BRCC3: variants seen among roughly 807,000 people sequenced by gnomAD.
BRCC3 encodes the protein lys-63-specific deubiquitinase BRCC36.
Under a neutral mutation model 28.0 loss-of-function variants are expected in BRCC3, and 15 were observed. The ratio of observed to expected loss-of-function variants is 0.54; its 90% CI spans 0.36 to 0.82. BRCC3 has a LOEUF of 0.82. Among genes scored for constraint, BRCC3 ranks in the 40% least tolerant of loss-of-function variants. The pLI is 0.01. For missense variants in BRCC3, 109 were observed against 225.9 expected (o/e 0.48, Z 3.32); for synonymous variants, 66 against 80.3 (o/e 0.82, Z 0.95).
intron 3 of BRCC3, among the ~76,000 whole-genome samples, 164 bp from the exon 4 acceptor site, chrX:155,077,006 T>C (rs1360573320): frequency 8.9e-6 from 1 of 112,289 alleles, no homozygotes; most frequent in Non-Finnish European, 1.9e-5. Flanking sequence ...ATATTGAGGT[T>C]GGGTGTCTTT....
chrX:155,081,711 A>G (rs781888943), intron 5 of BRCC3, among the ~76,000 whole-genome samples: 79 of 112,029 alleles, frequency 7.1e-4, no homozygotes, highest in Non-Finnish European at 1.3e-3. Flanking sequence ...TGACGTGACC[A>G]TTTCAGTGCT....
chrX:155,116,968 G>T (rs1165989961), intron 9 of BRCC3, among the ~76,000 whole-genome samples: 2 of 111,922 alleles, frequency 1.8e-5, no homozygotes, highest in Non-Finnish European at 3.8e-5. Flanking sequence ...AGTAAGACAG[G>T]AGGAAAGACA....
At chrX:155,086,604 C>G (rs1364487498) in intron 5 of BRCC3, among the ~76,000 whole-genome samples, 2 of 111,175 alleles carry the variant, frequency 1.8e-5, no homozygotes, top group Non-Finnish European at 3.8e-5. Context: ...GGTGGTCTGC[C>G]CGCCTTGGCC....
At chrX:155,117,990 C>T (rs781892006) in intron 9 of BRCC3, among the ~76,000 whole-genome samples, 114 of 112,154 alleles carry the variant, frequency 1.0e-3, no homozygotes, top group Middle Eastern at 4.6e-3. Flanking sequence ...TATATTTAAA[C>T]TTTTACTATT....
intron 4 of BRCC3, among the ~76,000 whole-genome samples, chrX:155,077,647 C>G (rs138974831): frequency 9.0e-6 from 1 of 111,523 alleles, no homozygotes; most frequent in East Asian, 2.8e-4. Context: ...CTATCTTGGT[C>G]TCTATCCTCT....
intron 7 of BRCC3, among the ~76,000 whole-genome samples, chrX:155,097,492 A>T (rs1390935870): frequency 8.9e-6 from 1 of 111,935 alleles, no homozygotes; most frequent in Non-Finnish European, 1.9e-5. Flanking sequence ...AGAAAACAGT[A>T]TAGAGACTCC....
At chrX:155,084,351 T>C (rs2074104886) in intron 5 of BRCC3, among the ~76,000 whole-genome samples, 1 of 111,737 alleles carries the variant, frequency 8.9e-6, no homozygotes, top group South Asian at 3.7e-4. Flanking sequence ...CGGTGAGTTC[T>C]AATATCTTTG....
rs782193346 is a variant in BRCC3 at position 155,120,125 on chromosome X, T to C, written c.851T>C (p.Met284Thr). 1.7e-6 allele frequency: 2 copies of C among 1,208,556 alleles called. No homozygotes were observed. Among genetic ancestry groups the C allele is most frequent in the Admixed American group, 4.4e-5 (2 of 45,460 alleles). ...TTACAACAAGAAAAGGAAGAGCTTA[T>C]GCAAGAACTTTCTTCTCTAGAATAA... ...QELQQEKEELMQELSSLE is the reference protein window; with the variant it reads ...QELQQEKEELTQELSSLE The change falls in exon 10 of 11, where the codon ATG becomes ACG. Residue 284 changes from methionine to threonine, a missense_variant. Physicochemically the swap from Met to Thr is moderately conservative, Grantham distance 81. This residue lies in a region of BRCC3 where 50 missense variants were observed against 115.2 expected (regional missense o/e 0.43). Coordinates refer to ENST00000330045, the MANE Select transcript of BRCC3 (RefSeq NM_001018055.3).
At chrX:155,095,256 G>A (rs2074202079) in intron 7 of BRCC3, among the ~76,000 whole-genome samples, 2 of 111,830 alleles carry the variant, frequency 1.8e-5, no homozygotes, top group African/African-American at 6.5e-5. Flanking sequence ...AAGTAAAAGA[G>A]TTACGGTTAA....
intron 7 of BRCC3, among the ~76,000 whole-genome samples, chrX:155,110,835 G>A (rs1426595998): frequency 9.0e-6 from 1 of 111,026 alleles, no homozygotes; most frequent in Admixed American, 9.6e-5. Flanking sequence ...AGAATGCCAA[G>A]CCTAGCTATT....
intron 9 of BRCC3, among the ~76,000 whole-genome samples, chrX:155,118,198 A>G (rs781802064): frequency 1.8e-5 from 2 of 112,349 alleles, no homozygotes; most frequent in Non-Finnish European, 3.8e-5. Flanking sequence ...GTGAATGGAT[A>G]AACTCTGATA....
At chrX:155,090,926 A>G in intron 7 of BRCC3, 87 bp downstream of exon 7, 1 of 685,779 alleles carries the variant, frequency 1.5e-6, no homozygotes, top group South Asian at 2.4e-5. Context: ...TATTCCTTTC[A>G]CTGGTAAGAC....
At chrX:155,101,368 C>T (rs1255269881) in intron 7 of BRCC3, among the ~76,000 whole-genome samples, 1 of 111,655 alleles carries the variant, frequency 9.0e-6, no homozygotes, top group African/African-American at 3.3e-5. Flanking sequence ...CCAACAGCTA[C>T]GAAGGGATGA....
intron 7 of BRCC3, among the ~76,000 whole-genome samples, chrX:155,093,228 T>C (rs1349556910): frequency 9.0e-6 from 1 of 111,360 alleles, no homozygotes; most frequent in African/African-American, 3.3e-5. Context: ...TTTTTGTTTG[T>C]TTGTTTTGTA....
At chrX:155,100,344 A>G (rs1018190386) in intron 7 of BRCC3, among the ~76,000 whole-genome samples, 32 of 111,971 alleles carry the variant, frequency 2.9e-4, no homozygotes, top group Non-Finnish European at 5.6e-4. Context: ...GTCATCACCA[A>G]TTTTTCTAAT....
intron 8 of BRCC3, 59 bp downstream of exon 8, chrX:155,116,247 T>G (rs2074354939): frequency 4.7e-6 from 5 of 1,069,325 alleles, no homozygotes; most frequent in Non-Finnish European, 6.2e-6. Context: ...TCTTTTCTTC[T>G]TCTGTCCTTT....
intron 3 of BRCC3, among the ~76,000 whole-genome samples, chrX:155,076,266 G>A (rs1018660048): frequency 5.4e-5 from 6 of 111,245 alleles, no homozygotes; most frequent in African/African-American, 2.0e-4. Flanking sequence ...GCGTGTGCCT[G>A]TAATCCCAGC....
At position 155,116,174 on chromosome X, in the gene BRCC3, T is replaced by C. The variant is rs2074353667; in HGVS notation, c.666T>C (p.Tyr222=). ...TGTGCCAGGAGGAGCAGGATGCGTA[T>C]AGGAGGATCCACAGGTAGAGACCCT... ...KILCQEEQDA[Y]RRIHSLTHLD... is the part of the protein sequence containing the mutation. The change falls in exon 8 of 11, where the codon TAT becomes TAC. Residue 222 remains tyrosine (Y), a synonymous_variant. Transcript: ENST00000330045. 4 of 1,191,777 alleles carry C rather than the reference T, an allele frequency of 3.4e-6. No homozygotes were observed. The highest frequency in any genetic ancestry group is 4.5e-6 in the Non-Finnish European group (4 of 884,685).
At chrX:155,106,793 C>G (rs1179779598) in intron 7 of BRCC3, among the ~76,000 whole-genome samples, 3 of 112,010 alleles carry the variant, frequency 2.7e-5, no homozygotes, top group African/African-American at 9.7e-5. Flanking sequence ...TCAACTAGGC[C>G]TTTTTGTGTT....
Sources: allele counts gnomAD v4.1 joint callset (sites outside exome capture counted in the v4.1 genomes callset), GRCh38; gene constraint gnomAD v4.1.1; regional missense constraint gnomAD v4.1.1; transcripts MANE v1.5; gene names NCBI Gene and HGNC (gene_info 2026-07-23, HGNC 2026-07-21).